CPEB4: variants seen among roughly 807,000 people sequenced by gnomAD.
CPEB4 encodes the protein cytoplasmic polyadenylation element-binding protein 4.
Under a neutral mutation model 72.5 loss-of-function variants are expected in CPEB4, and 12 were observed. That is an observed-to-expected ratio of 0.17 (90% CI 0.11 to 0.27). The LOEUF (loss-of-function observed/expected upper bound fraction) is 0.27. Among genes scored for constraint, CPEB4 ranks in the 10% least tolerant of loss-of-function variants. The pLI is 1.00. For missense variants in CPEB4, 614 were observed against 908.5 expected, an observed-to-expected ratio of 0.68 and a Z score of 4.17; for synonymous variants, 302 against 326.3, an observed-to-expected ratio of 0.93 and a Z score of 0.80.
At chr5:173,937,019 C>CTTTTT (rs150187685) in intron 3 of CPEB4, among the ~76,000 whole-genome samples, 5 of 97,228 alleles carry the variant, frequency 5.1e-5, no homozygotes, top group Non-Finnish European at 1.0e-4. Flanking sequence ...CATTTCTTTC[C>CTTTTT]TTTTTTTTTT....
intron 9 of CPEB4, among the ~76,000 whole-genome samples, chr5:173,954,277 A>G (rs1758306553): frequency 6.6e-6 from 1 of 152,176 alleles, no homozygotes; most frequent in African/African-American, 2.4e-5. Flanking sequence ...AAAATTTAAG[A>G]TAGTGGTGGT....
At chr5:173,953,793 A>T (rs1024122246) in intron 9 of CPEB4, among the ~76,000 whole-genome samples, 2 of 149,120 alleles carry the variant, frequency 1.3e-5, no homozygotes, top group South Asian at 2.1e-4. Context: ...TTGGTGTTTC[A>T]TGTATTCAAC....
chr5:173,904,354 C>G (rs141380732), intron 1 of CPEB4, among the ~76,000 whole-genome samples: 772 of 152,264 alleles, frequency 5.1e-3, no homozygotes, highest in Admixed American at 0.011. Flanking sequence ...GTTACTACCA[C>G]CAGTACTCCT....
Position 173,910,763 on chromosome 5 carries a change from A to G in CPEB4, c.1207+159A>G, listed in dbSNP as rs188863474. 2.9e-4 allele frequency: 173 copies of G among 595,862 alleles called. 2 individuals are homozygous for G. The highest frequency in any genetic ancestry group is 2.1e-3 in the East Asian group (74 of 34,644). 36.9% of individuals were successfully genotyped at this position (595,862 alleles called of 1,614,324 possible). A position where few individuals can be genotyped will look rare whatever the true frequency, so the allele number is the denominator to read the frequency against. On this transcript the variant is annotated intron_variant, in intron 2 of 9. Coordinates refer to ENST00000265085, the MANE Select transcript of CPEB4 (RefSeq NM_030627.4). ...ATACCTCTTGTTGTTAAAAAATCCA[A>G]CATACTTGATGAACCTCTATAGTGG...
intron 2 of CPEB4, 105 bp downstream of exon 2, chr5:173,910,709 A>G (rs1013879806): frequency 1.3e-6 from 1 of 740,742 alleles, no homozygotes. Context: ...GTCACTTTGT[A>G]TGCAGTAAGT....
chr5:173,960,715 A>G lies in CPEB4; in HGVS notation c.*4578A>G, dbSNP rs547038960. 6.6e-6 allele frequency: 1 copy of G among 152,338 alleles called. No homozygotes were observed. The highest frequency in any genetic ancestry group is 1.9e-4 in the East Asian group (1 of 5,188). The allele number at this position is 152,338 out of a possible 1,614,324, so 9.4% of individuals were successfully genotyped here. On this transcript the variant is annotated 3_prime_UTR_variant, in exon 10 of 10. Transcript: ENST00000265085. ...GAGGTTCAGTTTTGAGTCTTTGTCA[A>G]TGAATAGTCTTGATTTGTGGCCACA... is the stretch of plus-strand genomic sequence containing the variant.
intron 2 of CPEB4, chr5:173,918,117 G>A (rs1332208304): frequency 6.6e-6 from 1 of 152,202 alleles, no homozygotes; most frequent in Non-Finnish European, 1.5e-5. Flanking sequence ...TGTGTGTGTG[G>A]CTATGTAGGA....
chr5:173,929,983 A>G (rs747948998), intron 2 of CPEB4, among the ~76,000 whole-genome samples: 1 of 152,020 alleles, frequency 6.6e-6, no homozygotes, highest in Non-Finnish European at 1.5e-5. Flanking sequence ...ATCTCTATAT[A>G]TGTTCCATTA....
chr5:173,941,641 G>A (rs1261236810), intron 3 of CPEB4, among the ~76,000 whole-genome samples: 1 of 149,558 alleles, frequency 6.7e-6, no homozygotes, highest in Non-Finnish European at 1.5e-5. Context: ...GGGAGGCTGA[G>A]GTGGGCAGAT....
Position 173,950,344 on chromosome 5 carries a change from C to A in CPEB4, c.1665+266C>A, listed in dbSNP as rs181299221. Reference sequence around the variant, plus strand: ...TCACGGCTGGGCATGGTGGCTCACACCTGTAATCCCAGCACTTTGGGAGGC... The same window carrying A: ...TCACGGCTGGGCATGGTGGCTCACAACTGTAATCCCAGCACTTTGGGAGGC... On this transcript the variant is annotated intron_variant, in intron 7 of 9. Transcript: ENST00000265085. The surrounding 1 kb of genome is among the most constrained non-coding windows in gnomAD (Gnocchi z 5.0). 1.2e-3 allele frequency among the ~76,000 whole-genome samples: 179 copies of A among 152,272 alleles called. No homozygotes were observed. The highest frequency in any genetic ancestry group is 4.2e-3 in the African/African-American group (174 of 41,538).
chr5:173,956,112 G>A lies in CPEB4; in HGVS notation c.2165G>A (p.Arg722Gln), dbSNP rs1758368815. 1.9e-6 allele frequency: 3 copies of A among 1,613,892 alleles called. No individual in the cohort carries two copies. Among genetic ancestry groups the A allele is most frequent in the Admixed American group, 3.3e-5 (2 of 59,984 alleles). Residue 722 changes from arginine to glutamine, a missense_variant, in exon 10 of 10, where the codon CGG (arginine) becomes CAG (glutamine). This residue lies in a region of CPEB4 where 101 missense variants were observed against 243.1 expected (regional missense o/e 0.42). Coordinates refer to ENST00000265085, the MANE Select transcript of CPEB4 (RefSeq NM_030627.4). ...GTGAAGGAAGGCGGTGACCGCCCTC[G>A]GCATATTTCATTCCGCTGGAACTAA... ...PLVKEGGDRP[R>Q]HISFRWN
intron 1 of CPEB4, among the ~76,000 whole-genome samples, chr5:173,898,248 T>C (rs1420800001): frequency 6.6e-6 from 1 of 152,216 alleles, no homozygotes; most frequent in African/African-American, 2.4e-5. Flanking sequence ...TCTTGAGGAA[T>C]GCATCTAGTC....
intron 1 of CPEB4, among the ~76,000 whole-genome samples, chr5:173,902,076 TA>T (rs1260382015): frequency 6.6e-6 from 1 of 152,260 alleles, no homozygotes; most frequent in Non-Finnish European, 1.5e-5. Flanking sequence ...ACATATTATT[TA>T]ATTCAAGAGG....
intron 3 of CPEB4, among the ~76,000 whole-genome samples, chr5:173,936,105 T>G (rs1235942377): frequency 6.6e-6 from 1 of 152,202 alleles, no homozygotes; most frequent in Non-Finnish European, 1.5e-5. Flanking sequence ...TCTTGGATTT[T>G]CAATGTATTT....
intron 5 of CPEB4, 116 bp downstream of exon 5, chr5:173,945,256 T>A: frequency 1.2e-6 from 1 of 832,182 alleles, no homozygotes; most frequent in Non-Finnish European, 1.9e-6. Flanking sequence ...CTGCTTGCAT[T>A]GTTCTCTTGT....
chr5:173,955,943 C>A lies in CPEB4; in HGVS notation c.1996C>A (p.Leu666Met). 3.1e-6 allele frequency: 5 copies of A among 1,613,980 alleles called. No homozygotes were observed. The highest frequency in any genetic ancestry group is 4.2e-6 in the Non-Finnish European group (5 of 1,179,958). The change falls in exon 10 of 10, where the codon CTG becomes ATG. Residue 666 changes from leucine to methionine, a missense_variant. Physicochemically the swap from Leu to Met is conservative, Grantham distance 15. Coordinates refer to ENST00000265085, the MANE Select transcript of CPEB4 (RefSeq NM_030627.4). This position sits in a 1 kb window ranked among gnomAD's most constrained non-coding sequence, Gnocchi z 4.7. ...TAAGCCATATGTCTTGGATGATCAG[C>A]TGTGTGATGAATGTCAGGGGGCCCG... The part of the protein sequence containing the change: ...EVKPYVLDDQ[L>M]CDECQGARCG...
chr5:173,950,151 G>C lies in CPEB4; in HGVS notation c.1665+73G>C. The C allele has an allele frequency of 3.4e-6, 3 of 874,804 alleles. No individual in the cohort carries two copies. The highest frequency in any genetic ancestry group is 1.8e-6 in the Non-Finnish European group (1 of 547,384). The allele number at this position is 874,804 out of a possible 1,614,324, so 54.2% of individuals were successfully genotyped here. A position where few individuals can be genotyped will look rare whatever the true frequency, so the allele number is the denominator to read the frequency against. ...ATCTGTTATATTTGAAAAACCCATA[G>C]ACAACTTGATGTGTTTGGGGTACTT... On this transcript the variant is annotated intron_variant, in intron 7 of 9. Coordinates refer to ENST00000265085, the MANE Select transcript of CPEB4 (RefSeq NM_030627.4). This position sits in a 1 kb window ranked among gnomAD's most constrained non-coding sequence, Gnocchi z 5.0.
chr5:173,943,892 A>G (rs186892800), intron 4 of CPEB4, among the ~76,000 whole-genome samples: 49 of 152,356 alleles, frequency 3.2e-4, no homozygotes, highest in Middle Eastern at 3.4e-3. Context: ...TAGAAGATCC[A>G]TTAACAAATT....
At position 173,956,399 on chromosome 5, in the gene CPEB4, C is replaced by A. The variant is rs759883162; in HGVS notation, c.*262C>A. 4.1e-5 allele frequency: 15 copies of A among 367,990 alleles called. No individual in the cohort carries two copies. Among genetic ancestry groups the A allele is most frequent in the Non-Finnish European group, 7.3e-5 (15 of 205,012 alleles). The allele number at this position is 367,990 out of a possible 1,614,324, so 22.8% of individuals were successfully genotyped here. ...TTGTTTTGCTGGAAACCAAGAGGAT[C>A]CAAACTTCCTGCAACATTTTCTTAG... On this transcript the variant is annotated 3_prime_UTR_variant, in exon 10 of 10. Transcript: ENST00000265085.
Sources: allele counts gnomAD v4.1 joint callset (sites outside exome capture counted in the v4.1 genomes callset), GRCh38; gene constraint gnomAD v4.1.1; regional missense constraint gnomAD v4.1.1; non-coding constraint Gnocchi (gnomAD v3.1); transcripts MANE v1.5; gene names NCBI Gene and HGNC (gene_info 2026-07-23, HGNC 2026-07-21).